The following PHF2 variants were observed in gnomAD, a reference collection of about 807,000 sequenced individuals.
The protein encoded by PHF2 is PHD finger protein 2.
A neutral mutation model predicts 120.5 loss-of-function variants in PHF2; 27 were observed. The ratio of observed to expected loss-of-function variants is 0.22; its 90% CI spans 0.17 to 0.31. PHF2 has a LOEUF of 0.31. Ranked by LOEUF, PHF2 falls within the 10% of genes least tolerant of loss-of-function variation. The probability of loss-of-function intolerance (pLI) is 1.00; values close to 1 mark genes in which losing one functional copy is unlikely to be tolerated. For missense variants in PHF2, 1,024 were observed against 1,434.8 expected (o/e 0.71, Z 4.63); for synonymous variants, 568 against 592.5 (o/e 0.96, Z 0.60).
rs1279728215 is a variant in PHF2, at chr9:93,592,393, A to G, written c.98+15522A>G. On this transcript the variant is annotated intron_variant, in intron 1 of 21. Transcript: ENST00000359246. ...CATTGCCCCCATCACTGACCTGTTT[A>G]AAATTATCTGCATCCTTTGCCTAGT... is the stretch of plus-strand genomic sequence containing the variant. Among the ~76,000 whole-genome samples the G allele has an allele frequency of 4.1e-5, 6 of 147,126 alleles. 1 individual carries two copies. In the South Asian group the frequency reaches 1.3e-3, roughly 31 times the overall value.
rs972816864 is a variant in PHF2, at chr9:93,656,474, T to C, written c.1041-15T>C. 6.3e-7 allele frequency: 1 copy of C among 1,591,666 alleles called. No individual in the cohort carries two copies. Among genetic ancestry groups the C allele is most frequent in the Non-Finnish European group, 8.6e-7 (1 of 1,160,014 alleles). ...ATGGTCAGTGCACTGAGAACTGCTC[T>C]TTGGTGGCTTCTAGAGCATATGAAG... On this transcript the variant is annotated splice_polypyrimidine_tract_variant and intron_variant, in intron 8 of 21. Coordinates refer to ENST00000359246, the MANE Select transcript of PHF2 (RefSeq NM_005392.4). This position sits in a 1 kb window ranked among gnomAD's most constrained non-coding sequence, Gnocchi z 4.1.
chr9:93,623,201 T>A (rs1825853363), intron 1 of PHF2, among the ~76,000 whole-genome samples: 1 of 152,128 alleles, frequency 6.6e-6, no homozygotes, highest in African/African-American at 2.4e-5. Flanking sequence ...GCAATGTGGA[T>A]TCTGGGTCTA....
At chr9:93,592,330 G>T (rs1337075110) in intron 1 of PHF2, among the ~76,000 whole-genome samples, 1 of 152,128 alleles carries the variant, frequency 6.6e-6, no homozygotes, top group East Asian at 1.9e-4. Flanking sequence ...CAACACTCAG[G>T]GCGGGCCCAT....
At chr9:93,607,962 A>G (rs542699805) in intron 1 of PHF2, among the ~76,000 whole-genome samples, 19 of 145,974 alleles carry the variant, frequency 1.3e-4, no homozygotes, top group African/African-American at 4.8e-4. Flanking sequence ...AGAGAGAGAG[A>G]GGGAAAGAGA....
intron 2 of PHF2, among the ~76,000 whole-genome samples, chr9:93,634,815 A>G (rs1826063594): frequency 6.6e-6 from 1 of 152,174 alleles, no homozygotes; most frequent in Non-Finnish European, 1.5e-5. Context: ...GTCTGTTAGG[A>G]GCACCAAGCC....
At chr9:93,634,392 C>CA (rs754736429) in intron 2 of PHF2, among the ~76,000 whole-genome samples, 57 of 152,290 alleles carry the variant, frequency 3.7e-4, no homozygotes, top group Non-Finnish European at 6.9e-4. Context: ...TCAGCACACA[C>CA]ACCTCTAGGG....
intron 12 of PHF2, among the ~76,000 whole-genome samples, chr9:93,661,204 G>A (rs1826558440): frequency 6.6e-6 from 1 of 152,114 alleles, no homozygotes. Context: ...TTAGGTCTGG[G>A]CTTCAGGGAC....
chr9:93,630,830 A>G (rs569075343), intron 2 of PHF2, among the ~76,000 whole-genome samples: 3 of 152,116 alleles, frequency 2.0e-5, no homozygotes, highest in Non-Finnish European at 4.4e-5. Context: ...GCGTGTGTTA[A>G]TGTGGCCTCT....
chr9:93,625,787 A>T (rs1236839870), intron 1 of PHF2, among the ~76,000 whole-genome samples: 1 of 151,506 alleles, frequency 6.6e-6, no homozygotes, highest in Non-Finnish European at 1.5e-5. Flanking sequence ...ACCTATTCTT[A>T]ATTCTTTTGG....
intron 1 of PHF2, among the ~76,000 whole-genome samples, chr9:93,590,320 T>G (rs1825191088): frequency 2.0e-5 from 3 of 152,238 alleles, no homozygotes; most frequent in African/African-American, 7.2e-5. Flanking sequence ...GCCCTGGTGC[T>G]TTCTAATGAA....
chr9:93,606,455 A>T (rs529469597), intron 1 of PHF2, among the ~76,000 whole-genome samples: 1 of 152,314 alleles, frequency 6.6e-6, no homozygotes, highest in South Asian at 2.1e-4. Context: ...CATTTCCCTG[A>T]TGAAATATAA....
At chr9:93,603,300 G>A (rs1406630482) in intron 1 of PHF2, among the ~76,000 whole-genome samples, 3 of 152,190 alleles carry the variant, frequency 2.0e-5, no homozygotes, top group Non-Finnish European at 4.4e-5. Flanking sequence ...GTGACTGCAC[G>A]CTGCCCTCCC....
At chr9:93,626,160 T>G (rs1482988400) in intron 1 of PHF2, among the ~76,000 whole-genome samples, 1 of 152,116 alleles carries the variant, frequency 6.6e-6, no homozygotes, top group Non-Finnish European at 1.5e-5. Flanking sequence ...GGGGAACTGC[T>G]TGAATCTGGG....
At chr9:93,664,075 C>T (rs1002101217) in intron 14 of PHF2, among the ~76,000 whole-genome samples, 1 of 152,132 alleles carries the variant, frequency 6.6e-6, no homozygotes, top group Non-Finnish European at 1.5e-5. Context: ...GGAGGGAGGC[C>T]GTGGGACTCC....
At chr9:93,647,540 C>G (rs1486824592) in intron 4 of PHF2, among the ~76,000 whole-genome samples, 1 of 152,212 alleles carries the variant, frequency 6.6e-6, no homozygotes, top group Non-Finnish European at 1.5e-5. Flanking sequence ...ACAAAAGCCA[C>G]CAGCTTTCAG....
At chr9:93,629,164 G>A (rs888342663) in intron 1 of PHF2, among the ~76,000 whole-genome samples, 1 of 152,096 alleles carries the variant, frequency 6.6e-6, no homozygotes, top group Non-Finnish European at 1.5e-5. Flanking sequence ...GCCTCTCAAA[G>A]TGCTGGGATT....
intron 1 of PHF2, among the ~76,000 whole-genome samples, chr9:93,608,002 A>G (rs1428180347): frequency 8.9e-6 from 1 of 111,814 alleles, no homozygotes; most frequent in Non-Finnish European, 2.0e-5. Flanking sequence ...GATGAGAGAG[A>G]GAGAGAGAAG....
chr9:93,636,172 C>T (rs2398850), intron 2 of PHF2, among the ~76,000 whole-genome samples: 2,061 of 152,106 alleles, frequency 0.014, 56 homozygotes, highest in African/African-American at 0.046. Flanking sequence ...GAATGGAGGA[C>T]ACTGGTGCCA....
chr9:93,639,644 C>T (rs1334615336), intron 3 of PHF2, among the ~76,000 whole-genome samples: 2 of 152,076 alleles, frequency 1.3e-5, no homozygotes, highest in Non-Finnish European at 2.9e-5. Context: ...TGGTCAGGGC[C>T]CCCCTCAGCA....
Sources: allele counts gnomAD v4.1 joint callset (sites outside exome capture counted in the v4.1 genomes callset), GRCh38; gene constraint gnomAD v4.1.1; non-coding constraint Gnocchi (gnomAD v3.1); transcripts MANE v1.5; gene names NCBI Gene and HGNC (gene_info 2026-07-23, HGNC 2026-07-21).